Variants in HRH2 observed in about 807,000 individuals in gnomAD.
HRH2 encodes histamine H2 receptor.
A neutral mutation model predicts 20.1 loss-of-function variants in HRH2; 4 were observed. That is an observed-to-expected ratio of 0.20 (90% CI 0.10 to 0.45). The LOEUF (loss-of-function observed/expected upper bound fraction) is 0.45. Among genes scored for constraint, HRH2 ranks in the 20% least tolerant of loss-of-function variants. The pLI is 0.99. For missense variants in HRH2, 250 were observed against 461.6 expected, an observed-to-expected ratio of 0.54 and a Z score of 4.20; for synonymous variants, 197 against 200.7, an observed-to-expected ratio of 0.98 and a Z score of 0.16.
At chr5:175,662,643 T>C (rs1272077792) in intron 1 of HRH2, among the ~76,000 whole-genome samples, 1 of 152,200 alleles carries the variant, frequency 6.6e-6, no homozygotes, top group East Asian at 1.9e-4. Flanking sequence ...GGTCTTCTTT[T>C]TTAACGTAAG....
At position 175,708,940 on chromosome 5, in the gene HRH2, GCCC is replaced by G. The variant is rs1032950814; in HGVS notation, c.*972_*974del. ...GTAATGGTTGTGAATGGGGGAGTTG[GCCC>G]CCAGCACTCTCTGGTGGCCGTATGA... On this transcript the variant is annotated 3_prime_UTR_variant, in exon 3 of 3. Transcript: ENST00000636584. 11 of 152,154 alleles carry G rather than the reference GCCC, an allele frequency of 7.2e-5. No homozygotes were observed. Among genetic ancestry groups the G allele is most frequent in the African/African-American group, 2.7e-4 (11 of 41,474 alleles). 9.4% of individuals were successfully genotyped at this position (152,154 alleles called of 1,614,324 possible).
rs187141187 is a variant in HRH2, at chr5:175,694,729, C to T, written c.1076+10420C>T. Among the ~76,000 whole-genome samples, 320 of 152,302 alleles carry T rather than the reference C, an allele frequency of 2.1e-3. 2 individuals carry two copies. Among genetic ancestry groups the T allele is most frequent in the African/African-American group, 7.2e-3 (300 of 41,568 alleles). The stretch of plus-strand genomic sequence containing the variant: ...CCTCTGAGACAGCCTTGTTCTGAGC[C>T]TCTGGATGGGAAGTGGAGCATAGCC... On this transcript the variant is annotated intron_variant, in intron 2 of 2. Transcript: ENST00000636584.
At chr5:175,682,107 GGCACGTCATCT>G (rs1269041934) in intron 1 of HRH2, among the ~76,000 whole-genome samples, 1 of 152,170 alleles carries the variant, frequency 6.6e-6, no homozygotes, top group Non-Finnish European at 1.5e-5. Flanking sequence ...CTCTTCTGTC[GGCACGTCATCT>G]GCATAGCTGC....
rs1756047176 is a variant in HRH2, at chr5:175,683,135, G to C, written c.-99G>C. The C allele has an allele frequency of 8.1e-7, 1 of 1,230,306 alleles. No individual in the cohort carries two copies. Among genetic ancestry groups the C allele is most frequent in the Non-Finnish European group, 1.1e-6 (1 of 887,520 alleles). The allele number at this position is 1,230,306 out of a possible 1,614,324, so 76.2% of individuals were successfully genotyped here. ...AAACTGGACACATTTTGGATCTGTT[G>C]GGAGCTTGGAGTCCAGTGGTTGGCA... On this transcript the variant is annotated 5_prime_UTR_variant, in exon 2 of 3. Coordinates refer to ENST00000636584, the MANE Select transcript of HRH2 (RefSeq NM_001367711.1).
Position 175,681,051 on chromosome 5 carries a change from G to A in HRH2, c.-525-1658G>A, listed in dbSNP as rs1004719172. Among the ~76,000 whole-genome samples, 1 of 152,148 alleles carries A rather than the reference G, an allele frequency of 6.6e-6. No homozygotes were observed. Among genetic ancestry groups the A allele is most frequent in the Non-Finnish European group, 1.5e-5 (1 of 68,026 alleles). On this transcript the variant is annotated intron_variant, in intron 1 of 2. Transcript: ENST00000636584. The surrounding 1 kb of genome is among the most constrained non-coding windows in gnomAD (Gnocchi z 4.3). ...ACATGAACTCAAATGTCAGCCTGAT[G>A]CCAAAATACCTATACCCGGCTGTTG...
chr5:175,670,997 C>T (rs1755516255), intron 1 of HRH2, among the ~76,000 whole-genome samples: 2 of 152,252 alleles, frequency 1.3e-5, no homozygotes, highest in African/African-American at 4.8e-5. Context: ...AAGAATGGCG[C>T]ACATGGGGTT....
At chr5:175,676,146 C>T (rs1755752656) in intron 1 of HRH2, among the ~76,000 whole-genome samples, 1 of 152,240 alleles carries the variant, frequency 6.6e-6, no homozygotes, top group Non-Finnish European at 1.5e-5. Context: ...CCAGACTTTG[C>T]CTACACAAGC....
intron 2 of HRH2, among the ~76,000 whole-genome samples, chr5:175,694,824 C>T (rs1756516895): frequency 6.6e-6 from 1 of 152,184 alleles, no homozygotes; most frequent in African/African-American, 2.4e-5. Context: ...GGTTTTCACC[C>T]AACAGGAGAG....
chr5:175,702,022 G>T (rs568334519), intron 2 of HRH2, among the ~76,000 whole-genome samples: 4 of 152,188 alleles, frequency 2.6e-5, no homozygotes, highest in African/African-American at 4.8e-5. Flanking sequence ...GCCATTAAGG[G>T]TAATCTGTAC....
In HRH2 at chr5:175,683,109, A is replaced by C. The variant is rs890424430; in HGVS notation, c.-125A>C. 1.6e-6 allele frequency: 2 copies of C among 1,281,176 alleles called. No individual in the cohort carries two copies. Among genetic ancestry groups the C allele is most frequent in the Admixed American group, 4.6e-5 (2 of 43,348 alleles). The allele number at this position is 1,281,176 out of a possible 1,614,324, so 79.4% of individuals were successfully genotyped here. Reference sequence around the variant, plus strand: ...CCCTGGCCAAAAAAAAAAAAAAAAAAAAACTGGACACATTTTGGATCTGTT... The same window carrying C: ...CCCTGGCCAAAAAAAAAAAAAAAAACAAACTGGACACATTTTGGATCTGTT... On this transcript the variant is annotated 5_prime_UTR_variant, in exon 2 of 3. Transcript: ENST00000636584.
rs2113540708 is a variant in HRH2, at chr5:175,693,968, A to T, written c.1076+9659A>T. ...CAGTGGTCTGTTGCCAGAGCTCTGA[A>T]GGCTGACCTCCCCAATTTGCTGGCT... On this transcript the variant is annotated intron_variant, in intron 2 of 2. Transcript: ENST00000636584. This position sits in a 1 kb window ranked among gnomAD's most constrained non-coding sequence, Gnocchi z 4.4. Among the ~76,000 whole-genome samples the T allele has an allele frequency of 6.6e-6, 1 of 152,284 alleles. No individual in the cohort carries two copies. Among genetic ancestry groups the T allele is most frequent in the Non-Finnish European group, 1.5e-5 (1 of 68,022 alleles).
chr5:175,667,273 A>G (rs1220698067), intron 1 of HRH2, among the ~76,000 whole-genome samples: 1 of 152,024 alleles, frequency 6.6e-6, no homozygotes, highest in Non-Finnish European at 1.5e-5. Flanking sequence ...GTGAAAACTC[A>G]TCTCTACTAA....
chr5:175,701,933 C>T (rs1473560138), intron 2 of HRH2, among the ~76,000 whole-genome samples: 1 of 152,112 alleles, frequency 6.6e-6, no homozygotes, highest in Non-Finnish European at 1.5e-5. Flanking sequence ...GCCGTGGGAC[C>T]GTGAAGGGGG....
intron 1 of HRH2, among the ~76,000 whole-genome samples, chr5:175,673,952 G>A (rs1470144015): frequency 7.2e-5 from 11 of 152,054 alleles, no homozygotes; most frequent in African/African-American, 1.7e-4. Flanking sequence ...TGATCCACCC[G>A]CCTCTGCCTC....
chr5:175,679,801 A>G (rs1357506672), intron 1 of HRH2, among the ~76,000 whole-genome samples: 5 of 152,168 alleles, frequency 3.3e-5, no homozygotes, highest in Admixed American at 3.3e-4. Context: ...GTGTCTGTGA[A>G]ATTAACAGGC....
intron 2 of HRH2, among the ~76,000 whole-genome samples, chr5:175,690,304 A>C (rs1290611518): frequency 1.3e-5 from 2 of 152,146 alleles, no homozygotes; most frequent in African/African-American, 4.8e-5. Context: ...GGGTCTGCCT[A>C]GTATGAGCCA....
intron 2 of HRH2, among the ~76,000 whole-genome samples, chr5:175,689,284 G>A (rs1196907483): frequency 6.7e-6 from 1 of 149,994 alleles, no homozygotes; most frequent in East Asian, 2.0e-4. Flanking sequence ...CCCACATGGT[G>A]TCTAACCCCA....
intron 2 of HRH2, among the ~76,000 whole-genome samples, chr5:175,695,609 G>A (rs1353567075): frequency 6.6e-6 from 1 of 152,228 alleles, no homozygotes; most frequent in East Asian, 1.9e-4. Flanking sequence ...GAAGCCTTGT[G>A]CTACACTTCC....
At chr5:175,704,544 G>C (rs1363208802) in intron 2 of HRH2, among the ~76,000 whole-genome samples, 2 of 152,080 alleles carry the variant, frequency 1.3e-5, no homozygotes, top group Non-Finnish European at 2.9e-5. Context: ...CTAAAATAAG[G>C]AGCAGAGCTG....
Sources: allele counts gnomAD v4.1 joint callset (sites outside exome capture counted in the v4.1 genomes callset), GRCh38; gene constraint gnomAD v4.1.1; non-coding constraint Gnocchi (gnomAD v3.1); transcripts MANE v1.5; gene names NCBI Gene and HGNC (gene_info 2026-07-23, HGNC 2026-07-21).